SLC24A2: variants seen among roughly 807,000 people sequenced by gnomAD.
SLC24A2 encodes the protein solute carrier family 24 member 2.
In SLC24A2, 36 loss-of-function variants were observed where a neutral mutation model predicts 62.0. The observed-to-expected ratio is 0.58, with a 90% CI of 0.44 to 0.77. SLC24A2 has a LOEUF of 0.77. Among genes scored for constraint, SLC24A2 ranks in the 30% least tolerant of loss-of-function variants. The pLI, the probability that SLC24A2 is intolerant of heterozygous loss-of-function variation, is 0.00. For synonymous variants in SLC24A2, 358 were observed against 294.0 expected, an observed-to-expected ratio of 1.22 and a Z score of -2.23; for missense variants, 846 against 817.9, an observed-to-expected ratio of 1.03 and a Z score of -0.42.
chr9:19,653,455 G>C (rs1444142123), intron 2 of SLC24A2, among the ~76,000 whole-genome samples: 2 of 152,176 alleles, frequency 1.3e-5, no homozygotes, highest in Non-Finnish European at 2.9e-5. Context: ...CTATAAGCTA[G>C]TGCTCATCAA....
chr9:20,170,978 G>A, the SLC24A2 span, among the ~76,000 whole-genome samples: 2 of 152,084 alleles, frequency 1.3e-5, no homozygotes, highest in East Asian at 3.9e-4. Context: ...AAAGCACCAG[G>A]TAACCTATAA....
At chr9:20,092,258 A>T in the SLC24A2 span, among the ~76,000 whole-genome samples, 1 of 152,220 alleles carries the variant, frequency 6.6e-6, no homozygotes, top group African/African-American at 2.4e-5. Context: ...AAAGAAAAAG[A>T]TGTGTTAATT....
intron 2 of SLC24A2, among the ~76,000 whole-genome samples, chr9:19,724,999 A>G (rs1455699303): frequency 6.6e-6 from 1 of 152,016 alleles, no homozygotes; most frequent in Non-Finnish European, 1.5e-5. Flanking sequence ...GTGCTTCAAA[A>G]CCTTTCCAGC....
In SLC24A2 at chr9:19,762,793, CTTT is replaced by C. The variant is rs58241037; in HGVS notation, c.930+23141_930+23143del. Among the ~76,000 whole-genome samples, 140 of 102,392 alleles carry C rather than the reference CTTT, an allele frequency of 1.4e-3. 3 individuals are homozygous for C. The highest frequency in any genetic ancestry group is 3.9e-3 in the African/African-American group (107 of 27,388). The allele number at this position is 102,392 out of a possible 152,430, so 67.2% of individuals were successfully genotyped here. A position where few individuals can be genotyped will look rare whatever the true frequency, so the allele number is the denominator to read the frequency against. Reference sequence around the variant, plus strand: ...CTTAGGATTGTCTTGGCTATATGTGCTTTTTTTTTTTTTTTTTTGGTTCCATAT... The same window carrying C: ...CTTAGGATTGTCTTGGCTATATGTGCTTTTTTTTTTTTTTTGGTTCCATAT... On this transcript the variant is annotated intron_variant, in intron 2 of 10. Coordinates refer to ENST00000341998, the MANE Select transcript of SLC24A2 (RefSeq NM_020344.4).
At chr9:19,551,917 A>G (rs1459811956) in intron 7 of SLC24A2, among the ~76,000 whole-genome samples, 1 of 152,250 alleles carries the variant, frequency 6.6e-6, no homozygotes. Context: ...GCGAAGCCAT[A>G]TTGAAAAGGG....
At chr9:19,806,016 C>T in the SLC24A2 span, among the ~76,000 whole-genome samples, 1 of 151,984 alleles carries the variant, frequency 6.6e-6, no homozygotes, top group African/African-American at 2.4e-5. Context: ...TGTATTACCT[C>T]ATTTTACTTT....
At chr9:20,159,483 A>G in the SLC24A2 span, among the ~76,000 whole-genome samples, 1,590 of 151,794 alleles carry the variant, frequency 0.01, 38 homozygotes, top group African/African-American at 0.036. Flanking sequence ...ATATATAAGT[A>G]GAAATTTATG....
the SLC24A2 span, among the ~76,000 whole-genome samples, chr9:20,196,297 T>A: frequency 6.6e-6 from 1 of 152,186 alleles, no homozygotes; most frequent in Non-Finnish European, 1.5e-5. Context: ...ACTGCAGCAT[T>A]ATTAATAGTA....
the SLC24A2 span, among the ~76,000 whole-genome samples, chr9:20,110,920 C>T: frequency 3.9e-5 from 6 of 152,206 alleles, no homozygotes; most frequent in East Asian, 1.2e-3. Context: ...CAATCAATGG[C>T]ATGTCATAGG....
chr9:20,079,566 T>C, the SLC24A2 span, among the ~76,000 whole-genome samples: 1 of 152,230 alleles, frequency 6.6e-6, no homozygotes, highest in Non-Finnish European at 1.5e-5. Flanking sequence ...ACAGGACATT[T>C]AGTTTGTTTC....
the SLC24A2 span, among the ~76,000 whole-genome samples, chr9:20,071,666 G>A: frequency 1.1e-4 from 16 of 152,188 alleles, no homozygotes; most frequent in East Asian, 1.9e-4. Flanking sequence ...CACAGAAGAC[G>A]ACTAGAGGGG....
In SLC24A2 at chr9:19,671,923, T is replaced by C. The variant is rs907702379; in HGVS notation, c.931-49624A>G. On this transcript the variant is annotated intron_variant, in intron 2 of 10. Coordinates refer to ENST00000341998, the MANE Select transcript of SLC24A2 (RefSeq NM_020344.4). ...TGAAACCCAATTGATTATGGTGGAT[T>C]TTTTTTTGATATGCTTTTGGGTTTG... is the stretch of plus-strand genomic sequence containing the variant. 2.7e-5 allele frequency among the ~76,000 whole-genome samples: 4 copies of C among 146,240 alleles called. 1 individual carries two copies. The highest frequency in any genetic ancestry group is 8.1e-5 in the African/African-American group (3 of 37,118).
At chr9:19,888,026 G>T in the SLC24A2 span, among the ~76,000 whole-genome samples, 1 of 152,160 alleles carries the variant, frequency 6.6e-6, no homozygotes, top group East Asian at 1.9e-4. Flanking sequence ...TGGGTTCAGT[G>T]TCTACTTCTC....
At chr9:19,589,093 T>TTCTA (rs1446023348) in intron 5 of SLC24A2, among the ~76,000 whole-genome samples, 1 of 152,264 alleles carries the variant, frequency 6.6e-6, no homozygotes, top group East Asian at 1.9e-4. Context: ...GATCTGGCAT[T>TTCTA]TCTATCTTCA....
the SLC24A2 span, among the ~76,000 whole-genome samples, chr9:20,047,365 TA>T: frequency 6.6e-6 from 1 of 151,928 alleles, no homozygotes; most frequent in Admixed American, 6.5e-5. Flanking sequence ...ATAATACTTA[TA>T]AACCATTTAA....
In SLC24A2 at chr9:19,599,240, G is replaced by T. The variant is rs999575499; in HGVS notation, c.1079-1961C>A. 2.0e-5 allele frequency among the ~76,000 whole-genome samples: 3 copies of T among 152,168 alleles called. No individual in the cohort carries two copies. The highest frequency in any genetic ancestry group is 7.2e-5 in the African/African-American group (3 of 41,446). ...TTTGTACATAGTTGGAATTGGAACT[G>T]TTCATATCGGACAAAGCTCACACAT... On this transcript the variant is annotated intron_variant, in intron 4 of 10. Coordinates refer to ENST00000341998, the MANE Select transcript of SLC24A2 (RefSeq NM_020344.4). This position sits in a 1 kb window ranked among gnomAD's most constrained non-coding sequence, Gnocchi z 4.5.
chr9:19,568,596 G>C (rs1381051093), intron 7 of SLC24A2, among the ~76,000 whole-genome samples: 1 of 152,182 alleles, frequency 6.6e-6, no homozygotes, highest in African/African-American at 2.4e-5. Context: ...TTCACAAAGA[G>C]GGAAAATGGA....
chr9:19,765,870 G>A lies in SLC24A2; in HGVS notation c.930+20067C>T, dbSNP rs891764376. Among the ~76,000 whole-genome samples, 16 of 152,122 alleles carry A rather than the reference G, an allele frequency of 1.1e-4. 1 individual carries two copies. Among genetic ancestry groups the A allele is most frequent in the African/African-American group, 1.7e-4 (7 of 41,414 alleles). Reference sequence around the variant, plus strand: ...CTTGCTAGGTTGGGGAAGTTCTCCTGGATAATATCCTGAAGTGTGTTTTCC... The same window carrying A: ...CTTGCTAGGTTGGGGAAGTTCTCCTAGATAATATCCTGAAGTGTGTTTTCC... On this transcript the variant is annotated intron_variant, in intron 2 of 10. Coordinates refer to ENST00000341998, the MANE Select transcript of SLC24A2 (RefSeq NM_020344.4).
At chr9:20,100,740 C>G in the SLC24A2 span, among the ~76,000 whole-genome samples, 3 of 152,192 alleles carry the variant, frequency 2.0e-5, no homozygotes, top group Non-Finnish European at 2.9e-5. Context: ...AGTTGTCAGT[C>G]TGAATATTTC....
Sources: gnomAD v4.1 joint callset for allele counts (sites outside exome capture counted in the v4.1 genomes callset) on GRCh38, gnomAD v4.1.1 for gene constraint, Gnocchi (gnomAD v3.1) non-coding constraint, MANE v1.5 for transcripts, NCBI Gene and HGNC (gene_info 2026-07-23, HGNC 2026-07-21) for gene names.